The following NDST2 variants were observed in gnomAD, a reference collection of about 807,000 sequenced individuals.
The protein encoded by NDST2 is bifunctional heparan sulfate N-deacetylase/N-sulfotransferase 2.
Under a neutral mutation model 86.9 loss-of-function variants are expected in NDST2, and 32 were observed. The observed-to-expected ratio is 0.37, with a 90% CI of 0.28 to 0.49. NDST2 has a LOEUF of 0.49. NDST2 is among the 20% of genes least tolerant of loss of function. The pLI is 0.97. For synonymous variants in NDST2, 409 were observed against 437.0 expected, an observed-to-expected ratio of 0.94 and a Z score of 0.80; for missense variants, 950 against 1,146.9, an observed-to-expected ratio of 0.83 and a Z score of 2.48.
intron 3 of NDST2, 56 bp downstream of exon 3, chr10:73,807,328 T>C: frequency 6.2e-7 from 1 of 1,600,274 alleles, no homozygotes; most frequent in South Asian, 1.1e-5. Flanking sequence ...GAAGGGAGTC[T>C]GACAGGCCAG....
rs1200170501 is a variant in NDST2 at position 73,805,578 on chromosome 10, C to T, written c.1746+9G>A. The T allele has an allele frequency of 6.2e-7, 1 of 1,613,758 alleles. No homozygotes were observed. Among genetic ancestry groups the T allele is most frequent in the Non-Finnish European group, 8.5e-7 (1 of 1,179,872 alleles). On this transcript the variant is annotated intron_variant, in intron 8 of 14. Coordinates refer to ENST00000309979, the MANE Select transcript of NDST2 (RefSeq NM_003635.4). ...TCATGTCTCTCATCAGACTGAGCTC[C>T]ACCTTTACCTGCCAAAGGGGGCTTC...
At position 73,803,657 on chromosome 10, in the gene NDST2, G is replaced by A. The variant is rs377520045; in HGVS notation, c.2059C>T (p.Arg687Trp). ...ATYFDSEVVP[R>W]RGAALLPRAK... ...CGTGGCAGGAGGGCAGCCCCCCGCC[G>A]TGGTACAACTTCAGAGTCAAAGTAG... Residue 687 changes from arginine (R) to tryptophan (W), a missense_variant, in exon 11 of 15, where the codon CGG becomes TGG. Physicochemically the swap from Arg to Trp is moderately radical, Grantham distance 101 (BLOSUM62 -3). Around this residue, in one of 5 missense-constraint regions of NDST2, gnomAD observed 303 missense variants for 323.7 expected, o/e 0.94. Coordinates refer to ENST00000309979, the MANE Select transcript of NDST2 (RefSeq NM_003635.4). 290 of 1,613,878 alleles carry A rather than the reference G, an allele frequency of 1.8e-4. No individual in the cohort carries two copies. Among genetic ancestry groups the A allele is most frequent in the Non-Finnish European group, 1.4e-4 (168 of 1,179,982 alleles).
chr10:73,805,589 G>C lies in NDST2; in HGVS notation c.1744C>G (p.Gln582Glu), dbSNP rs1348146987. The C allele has an allele frequency of 1.2e-6, 2 of 1,613,874 alleles. No homozygotes were observed. Among genetic ancestry groups the C allele is most frequent in the Non-Finnish European group, 1.7e-6 (2 of 1,179,962 alleles). Residue 582 changes from glutamine (Q) to glutamate (E), a missense_variant and splice_region_variant, in exon 8 of 15, where the codon CAG (glutamine) becomes GAG (glutamate). Transcript: ENST00000309979. ...LFPQERSPLW[Q>E]NPCDDKRHKD... ...ATCAGACTGAGCTCCACCTTTACCT[G>C]CCAAAGGGGGCTTCGCTCCTGAGGG... is the stretch of plus-strand genomic sequence containing the variant.
At chr10:73,811,348 G>T (rs1008639359) in intron 1 of NDST2, 126 bp downstream of exon 1, 1 of 153,548 alleles carries the variant, frequency 6.5e-6, no homozygotes. Context: ...AAGGACCCGG[G>T]GCGCGGCGCA....
At position 73,805,996 on chromosome 10, in the gene NDST2, A is replaced by G; in HGVS notation, c.1467T>C (p.Thr489=). The G allele has an allele frequency of 1.9e-6, 3 of 1,614,194 alleles. No homozygotes were observed. Among genetic ancestry groups the G allele is most frequent in the Non-Finnish European group, 2.5e-6 (3 of 1,180,022 alleles). Residue 489 remains threonine (T), a synonymous_variant, in exon 7 of 15, where the codon ACT becomes ACC. Coordinates refer to ENST00000309979, the MANE Select transcript of NDST2 (RefSeq NM_003635.4). ...GATACTCATTATAGAAGATTGTGTGAGTGAAGAGGCCACATGTCTGCCGGG... is the reference window on the plus strand; with the variant it reads ...GATACTCATTATAGAAGATTGTGTGGGTGAAGAGGCCACATGTCTGCCGGG... ...VLPRQTCGLF[T]HTIFYNEYPG...
chr10:73,803,557 C>G lies in NDST2; in HGVS notation c.2142+17G>C, dbSNP rs1232486464. The G allele has an allele frequency of 6.9e-7, 1 of 1,457,700 alleles. No individual in the cohort carries two copies. Among genetic ancestry groups the G allele is most frequent in the East Asian group, 3.1e-5 (1 of 32,476 alleles). The allele number at this position is 1,457,700 out of a possible 1,614,324, so 90.3% of individuals were successfully genotyped here. The stretch of plus-strand genomic sequence containing the variant: ...CCCCCCAACCTTTAGCCTGTGTGTC[C>G]CTAGCTTCAGGCAGACCTGGTACCA... On this transcript the variant is annotated intron_variant, in intron 11 of 14. Coordinates refer to ENST00000309979, the MANE Select transcript of NDST2 (RefSeq NM_003635.4).
intron 1 of NDST2, 120 bp from the exon 2 acceptor site, chr10:73,811,023 G>T (rs541751167): frequency 5.1e-6 from 2 of 394,380 alleles, no homozygotes; most frequent in African/African-American, 4.1e-5. Context: ...TCTGAGGACG[G>T]CGAAGCCAGA....
Position 73,802,452 on chromosome 10 carries a change from C to T in NDST2, c.2651G>A (p.Ter884=). 6.2e-7 allele frequency: 1 copy of T among 1,612,626 alleles called. No individual in the cohort carries two copies. The highest frequency in any genetic ancestry group is 8.5e-7 in the Non-Finnish European group (1 of 1,180,014). The change falls in exon 15 of 15, where the codon TGA becomes TAA. Residue 884 remains the stop codon, a stop_retained_variant. Coordinates refer to ENST00000309979, the MANE Select transcript of NDST2 (RefSeq NM_003635.4). The part of the protein sequence containing the change: ...REELQHSSLG[*] ...TTGCTGGTATGGGAGGCTGGGACAT[C>T]AGCCCAGACTGGAATGCTGCAGTTC...
chr10:73,810,872 G>C lies in NDST2; in HGVS notation c.-415C>G, dbSNP rs1177765880. On this transcript the variant is annotated 5_prime_UTR_variant, in exon 2 of 15. Transcript: ENST00000309979. ...GTCAGGCCTGTCAAGCTCCAGAGCC[G>C]CGTTCTTAGCCGCTGCATTTTAGCT... 1 of 399,068 alleles carries C rather than the reference G, an allele frequency of 2.5e-6. No individual in the cohort carries two copies. Among genetic ancestry groups the C allele is most frequent in the African/African-American group, 2.1e-5 (1 of 48,660 alleles). The allele number at this position is 399,068 out of a possible 1,614,324, so 24.7% of individuals were successfully genotyped here.
In NDST2 at chr10:73,807,209, C is replaced by T. The variant is rs762692735; in HGVS notation, c.1006-14G>A. 5.6e-6 allele frequency: 9 copies of T among 1,609,588 alleles called. No individual in the cohort carries two copies. The South Asian group carries it at 7.7e-5, about 14-fold the overall frequency. ...GGTCAACAGAGCCTGGGAAGAGTAG[C>T]AGGGACAAGAGAAATCAGGAGAGCA... On this transcript the variant is annotated splice_polypyrimidine_tract_variant and intron_variant, in intron 3 of 14. Coordinates refer to ENST00000309979, the MANE Select transcript of NDST2 (RefSeq NM_003635.4).
Position 73,802,956 on chromosome 10 carries a change from G to T in NDST2, c.2423+16C>A, listed in dbSNP as rs1222548078. 1.2e-6 allele frequency: 2 copies of T among 1,610,496 alleles called. No individual in the cohort carries two copies. Among genetic ancestry groups the T allele is most frequent in the African/African-American group, 2.7e-5 (2 of 74,840 alleles). On this transcript the variant is annotated intron_variant, in intron 13 of 14. Transcript: ENST00000309979. ...TTTCCCATACAGTACTCCTCCCCTG[G>T]GTCATGCTCTCCCACCTGAGGGTCC...
At chr10:73,811,111 G>C (rs1246180377) in intron 1 of NDST2, among the ~76,000 whole-genome samples, 2 of 152,078 alleles carry the variant, frequency 1.3e-5, no homozygotes, top group Non-Finnish European at 2.9e-5. Context: ...GGCGCCGAGG[G>C]GGCCCGGGGC....
chr10:73,807,552 G>A lies in NDST2; in HGVS notation c.837C>T (p.Leu279=), dbSNP rs1022855151. The A allele has an allele frequency of 2.5e-6, 4 of 1,614,094 alleles. No homozygotes were observed. In the African/African-American group the frequency reaches 4.0e-5, roughly 16 times the overall value. The change falls in exon 3 of 15, where the codon CTC becomes CTT. Residue 279 remains leucine (L), a synonymous_variant. Coordinates refer to ENST00000309979, the MANE Select transcript of NDST2 (RefSeq NM_003635.4). ...LGLHDGIQRV[L]FGHGLSFWLH... ...GCCAGAAGGAAAGGCCATGTCCAAA[G>A]AGCACCCGCTGGATGCCATCATGAA...
Position 73,808,193 on chromosome 10 carries a change from C to A in NDST2, c.196G>T (p.Ala66Ser). ...GGCCGAGGTGGAACTGGAGGCCGTG[C>A]AGGGCCAGGACCAGCTGCCCCACCG... is the stretch of plus-strand genomic sequence containing the variant. The part of the protein sequence containing the change: ...SSGGAAGPGP[A>S]RPPVPPRPPR... The change falls in exon 3 of 15, where the codon GCA (alanine) becomes TCA (serine). Residue 66 changes from alanine (A) to serine (S), a missense_variant. Transcript: ENST00000309979. The surrounding 1 kb of genome is among the most constrained non-coding windows in gnomAD (Gnocchi z 4.3). The A allele has an allele frequency of 6.2e-7, 1 of 1,613,898 alleles. No homozygotes were observed. Among genetic ancestry groups the A allele is most frequent in the African/African-American group, 1.3e-5 (1 of 75,056 alleles).
In NDST2 at chr10:73,806,598, A is replaced by C; in HGVS notation, c.1248+59T>G. On this transcript the variant is annotated intron_variant, in intron 5 of 14. Coordinates refer to ENST00000309979, the MANE Select transcript of NDST2 (RefSeq NM_003635.4). The surrounding 1 kb of genome is among the most constrained non-coding windows in gnomAD (Gnocchi z 4.5). Reference sequence around the variant, plus strand: ...TAGGAAAAGGGTAGCCCATTAGGGGAAGGTAGAAAAGGAAGCATGGCTGGG... The same window carrying C: ...TAGGAAAAGGGTAGCCCATTAGGGGCAGGTAGAAAAGGAAGCATGGCTGGG... 1 of 1,594,876 alleles carries C rather than the reference A, an allele frequency of 6.3e-7. No individual in the cohort carries two copies. The highest frequency in any genetic ancestry group is 1.3e-5 in the African/African-American group (1 of 74,574).
chr10:73,803,706 A>G lies in NDST2; in HGVS notation c.2010T>C (p.Asp670=), dbSNP rs1237961123. 1 of 1,614,184 alleles carries G rather than the reference A, an allele frequency of 6.2e-7. No individual in the cohort carries two copies. The highest frequency in any genetic ancestry group is 1.7e-5 in the Admixed American group (1 of 60,014). Residue 670 remains aspartate, a synonymous_variant, in exon 11 of 15, where the codon GAT becomes GAC. Transcript: ENST00000309979. ...FFPVPSNAST[D]FLFEKSATYF... ...AGGTGGCACTTTTTTCAAATAGGAA[A>G]TCAGTGCTGGCATTGGAAGGAACAG...
chr10:73,804,051 AT>A (rs2084056753), intron 9 of NDST2, 35 bp from the exon 10 acceptor site: 2 of 1,567,548 alleles, frequency 1.3e-6, no homozygotes, highest in Admixed American at 1.7e-5. Flanking sequence ...TCAGGCAGCC[AT>A]TGTGGGAGGG....
intron 2 of NDST2, among the ~76,000 whole-genome samples, chr10:73,809,679 A>G (rs565147118): frequency 7.0e-4 from 107 of 152,328 alleles, no homozygotes; most frequent in African/African-American, 2.5e-3. Flanking sequence ...CCAATGACAG[A>G]AGGAAAAAGG....
chr10:73,810,367 A>C (rs1424008418), intron 2 of NDST2, among the ~76,000 whole-genome samples: 1 of 152,132 alleles, frequency 6.6e-6, no homozygotes. Context: ...CTGAGGCAGG[A>C]GAATCACTTG....
Sources: gnomAD v4.1 joint callset for allele counts (sites outside exome capture counted in the v4.1 genomes callset) on GRCh38, gnomAD v4.1.1 for gene constraint, gnomAD v4.1.1 regional missense constraint, Gnocchi (gnomAD v3.1) non-coding constraint, MANE v1.5 for transcripts, NCBI Gene and HGNC (gene_info 2026-07-23, HGNC 2026-07-21) for gene names.